DSCAM: variants seen among roughly 807,000 people sequenced by gnomAD.
DSCAM encodes cell adhesion molecule DSCAM.
Under a neutral mutation model 217.7 loss-of-function variants are expected in DSCAM, and 47 were observed. The observed-to-expected ratio is 0.22, with a 90% CI of 0.17 to 0.28. The LOEUF (loss-of-function observed/expected upper bound fraction) is 0.28. DSCAM is among the 10% of genes least tolerant of loss of function. DSCAM has a pLI of 1.00. For missense variants in DSCAM, 2,080 were observed against 2,618.3 expected (o/e 0.79, Z 4.49); for synonymous variants, 1,056 against 1,015.3 (o/e 1.04, Z -0.76).
chr21:40,340,855 T>C (rs1344571651), intron 6 of DSCAM, among the ~76,000 whole-genome samples: 1 of 152,216 alleles, frequency 6.6e-6, no homozygotes, highest in African/African-American at 2.4e-5. Context: ...TGGTTAATAG[T>C]ACCAGACACC....
At chr21:40,463,304 G>C (rs528521729) in intron 3 of DSCAM, among the ~76,000 whole-genome samples, 38 of 151,856 alleles carry the variant, frequency 2.5e-4, no homozygotes, top group Non-Finnish European at 5.0e-4. Flanking sequence ...TGGTGAGCTG[G>C]ACATAGCTGA....
At chr21:40,266,635 T>TTATATATATATATATATATATATATATA (rs71186923) in intron 11 of DSCAM, among the ~76,000 whole-genome samples, 2 of 62,628 alleles carry the variant, frequency 3.2e-5, no homozygotes, top group Non-Finnish European at 5.4e-5. Flanking sequence ...CAAAGATGTT[T>TTATATATATATATATATATATATATATA]TATATATATA....
chr21:40,345,559 A>G (rs2074548480), intron 6 of DSCAM, among the ~76,000 whole-genome samples: 1 of 152,138 alleles, frequency 6.6e-6, no homozygotes, highest in African/African-American at 2.4e-5. Context: ...TTTATCCTGA[A>G]CTTATAATTA....
intron 28 of DSCAM, among the ~76,000 whole-genome samples, chr21:40,057,759 A>G (rs1010114098): frequency 1.3e-5 from 2 of 152,138 alleles, no homozygotes; most frequent in African/African-American, 4.8e-5. Context: ...TCAGAAGACT[A>G]TAAGAAAACG....
intron 1 of DSCAM, among the ~76,000 whole-genome samples, chr21:40,768,650 G>T (rs1190463029): frequency 6.6e-6 from 1 of 152,194 alleles, no homozygotes; most frequent in African/African-American, 2.4e-5. Flanking sequence ...TCACAGGATG[G>T]CCTTTCCCCG....
intron 11 of DSCAM, among the ~76,000 whole-genome samples, chr21:40,231,914 C>T (rs1039384094): frequency 1.3e-5 from 2 of 152,160 alleles, no homozygotes; most frequent in Non-Finnish European, 2.9e-5. Flanking sequence ...ATTTTATTTA[C>T]CAATCTGATA....
At chr21:40,507,914 C>G (rs1195510710) in intron 3 of DSCAM, among the ~76,000 whole-genome samples, 2 of 152,172 alleles carry the variant, frequency 1.3e-5, no homozygotes, top group African/African-American at 4.8e-5. Flanking sequence ...GCATACAGAC[C>G]CTTTTCCTGA....
At chr21:40,683,657 C>T (rs1055635797) in intron 3 of DSCAM, among the ~76,000 whole-genome samples, 4 of 151,936 alleles carry the variant, frequency 2.6e-5, no homozygotes, top group Non-Finnish European at 5.9e-5. Context: ...GAGGGCAGCA[C>T]GGTGGGAGGC....
intron 12 of DSCAM, 141 bp from the exon 13 acceptor site, chr21:40,188,128 T>G (rs1036768519): frequency 5.2e-6 from 3 of 578,228 alleles, no homozygotes; most frequent in Non-Finnish European, 9.1e-6. Context: ...ACACACACAC[T>G]CACAAAACCC....
chr21:40,768,440 G>A (rs554710917), intron 1 of DSCAM, among the ~76,000 whole-genome samples: 1 of 152,060 alleles, frequency 6.6e-6, no homozygotes, highest in South Asian at 2.1e-4. Flanking sequence ...TTCTCATCCA[G>A]TGCTCCCAAC....
intron 3 of DSCAM, among the ~76,000 whole-genome samples, chr21:40,662,187 A>G (rs1241831126): frequency 6.6e-6 from 1 of 152,226 alleles, no homozygotes; most frequent in Non-Finnish European, 1.5e-5. Flanking sequence ...AGAATTTATA[A>G]GCATTGATGA....
chr21:40,269,815 G>A (rs368971846), intron 11 of DSCAM, among the ~76,000 whole-genome samples: 1 of 152,170 alleles, frequency 6.6e-6, no homozygotes, highest in African/African-American at 2.4e-5. Flanking sequence ...TAGGGATCCG[G>A]CGGCCTACTT....
At chr21:40,037,110 C>G (rs1294826087) in intron 32 of DSCAM, among the ~76,000 whole-genome samples, 1 of 150,068 alleles carries the variant, frequency 6.7e-6, no homozygotes, top group Non-Finnish European at 1.5e-5. Context: ...TGGCACAAGA[C>G]AGGGATGCCC....
At position 40,604,781 on chromosome 21, in the gene DSCAM, T is replaced by C. The variant is rs537752792; in HGVS notation, c.508+88029A>G. The stretch of plus-strand genomic sequence containing the variant: ...GGTGTTAGGGAGAGGAAGCTCTCCA[T>C]ACTCTTAAGATAAAATCTCAGCTTG... On this transcript the variant is annotated intron_variant, in intron 3 of 32. Coordinates refer to ENST00000400454, the MANE Select transcript of DSCAM (RefSeq NM_001389.5). Among the ~76,000 whole-genome samples, 9 of 152,350 alleles carry C rather than the reference T, an allele frequency of 5.9e-5. No homozygotes were observed. The East Asian group carries it at 1.7e-3, about 29-fold the overall frequency.
At chr21:40,306,450 A>AT (rs2074077853) in intron 9 of DSCAM, among the ~76,000 whole-genome samples, 2 of 148,676 alleles carry the variant, frequency 1.3e-5, no homozygotes, top group Non-Finnish European at 3.0e-5. Flanking sequence ...CTCCTGCCTA[A>AT]TTGCCCTGGC....
intron 3 of DSCAM, among the ~76,000 whole-genome samples, chr21:40,537,223 G>A (rs537501864): frequency 6.1e-4 from 93 of 152,206 alleles, no homozygotes; most frequent in Middle Eastern, 3.4e-3. Context: ...AGTTCCTGGA[G>A]GCCTACTGAA....
intron 1 of DSCAM, among the ~76,000 whole-genome samples, chr21:40,749,751 G>A (rs2146559081): frequency 6.6e-6 from 1 of 152,286 alleles, no homozygotes; most frequent in South Asian, 2.1e-4. Context: ...TGAAATCAGT[G>A]TGTTGAAGGG....
intron 3 of DSCAM, among the ~76,000 whole-genome samples, chr21:40,522,582 A>G (rs1230292871): frequency 6.6e-6 from 1 of 152,104 alleles, no homozygotes; most frequent in Non-Finnish European, 1.5e-5. Context: ...CTACTCTGTG[A>G]GTCCTTTAGT....
At position 40,338,291 on chromosome 21, in the gene DSCAM, C is replaced by T. The variant is rs751948729; in HGVS notation, c.1593G>A (p.Pro531=). Residue 531 remains proline, a synonymous_variant, in exon 8 of 33, where the codon CCG becomes CCA. Transcript: ENST00000400454. ...TCTTGTACCATTTAATGGAGTAATA[C>T]GGATAGCCAATCACACGACAGTGAA... ...TYIHCRVIGY[P]YYSIKWYKNS... The T allele has an allele frequency of 3.7e-6, 6 of 1,614,192 alleles. No individual in the cohort carries two copies. Among genetic ancestry groups the T allele is most frequent in the Non-Finnish European group, 5.1e-6 (6 of 1,180,034 alleles).
Sources: gnomAD v4.1 joint callset for allele counts (sites outside exome capture counted in the v4.1 genomes callset) on GRCh38, gnomAD v4.1.1 for gene constraint, MANE v1.5 for transcripts, NCBI Gene and HGNC (gene_info 2026-07-23, HGNC 2026-07-21) for gene names.